The following ARHGAP32 variants were observed in gnomAD, a reference collection of about 807,000 sequenced individuals.
ARHGAP32 encodes the protein Rho GTPase activating protein 32, also known as rho GTPase-activating protein 32.
ARHGAP32 carries 51 observed loss-of-function variants against 186.5 expected under a neutral mutation model. The ratio of observed to expected loss-of-function variants is 0.27; its 90% CI spans 0.22 to 0.35. The LOEUF is 0.35. ARHGAP32 is among the 10% of genes least tolerant of loss of function. The pLI, the probability that ARHGAP32 is intolerant of heterozygous loss-of-function variation, is 1.00. For synonymous variants in ARHGAP32, 950 were observed against 964.3 expected, an observed-to-expected ratio of 0.99 and a Z score of 0.27; for missense variants, 2,186 against 2,623.5, an observed-to-expected ratio of 0.83 and a Z score of 3.64.
chr11:129,052,650 T>G (rs1309814556), intron 10 of ARHGAP32, among the ~76,000 whole-genome samples: 13 of 152,100 alleles, frequency 8.5e-5, no homozygotes, highest in Non-Finnish European at 1.5e-4. Context: ...CTATTTTTAG[T>G]ACTATTATAC....
intron 1 of ARHGAP32, among the ~76,000 whole-genome samples, chr11:129,204,727 T>C (rs766556365): frequency 2.6e-5 from 4 of 152,226 alleles, no homozygotes; most frequent in Admixed American, 6.5e-5. Context: ...CTTAAAGTAC[T>C]AGAGACCATT....
At chr11:129,236,275 G>A (rs1315858585) in intron 1 of ARHGAP32, among the ~76,000 whole-genome samples, 1 of 152,072 alleles carries the variant, frequency 6.6e-6, no homozygotes, top group Non-Finnish European at 1.5e-5. Flanking sequence ...GCAGGAGTGA[G>A]GTAGTATTGC....
rs549772596 is a variant in ARHGAP32, at chr11:129,012,886, T to C, written c.1046-14418A>G. Reference sequence around the variant, plus strand: ...GGAATTATATACTGACCAATAAACATACATCTTCACAATTCAGTGGTAAGT... The same window carrying C: ...GGAATTATATACTGACCAATAAACACACATCTTCACAATTCAGTGGTAAGT... On this transcript the variant is annotated intron_variant, in intron 11 of 22. Transcript: ENST00000682385. Among the ~76,000 whole-genome samples the C allele has an allele frequency of 3.3e-5, 5 of 152,310 alleles. No homozygotes were observed. In the South Asian group the frequency reaches 1.0e-3, roughly 32 times the overall value.
chr11:128,985,844 G>GTATATATATA (rs1331337420), intron 15 of ARHGAP32, 159 bp downstream of exon 15: 1 of 123,128 alleles, frequency 8.1e-6, no homozygotes, highest in African/African-American at 4.4e-5. Flanking sequence ...GTGTGTGTGT[G>GTATATATATA]TGTGTGTGTG....
chr11:129,276,238 C>G (rs1945527994), intron 1 of ARHGAP32, among the ~76,000 whole-genome samples: 3 of 152,196 alleles, frequency 2.0e-5, no homozygotes, highest in South Asian at 2.1e-4. Context: ...CTAAATAAGA[C>G]AGAGCACAGA....
Position 129,164,313 on chromosome 11 carries a change from AT to A in ARHGAP32, c.225+5del. On this transcript the variant is annotated splice_donor_5th_base_variant and intron_variant, in intron 2 of 22. Coordinates refer to ENST00000682385, the MANE Select transcript of ARHGAP32 (RefSeq NM_001378024.1). ...ATATATGAACAATTGTATAAAACTG[AT>A]TTACCATTGCGCTAAGAGTTTCTTC... 1 of 1,490,362 alleles carries A rather than the reference AT, an allele frequency of 6.7e-7. No homozygotes were observed. The highest frequency in any genetic ancestry group is 9.2e-7 in the Non-Finnish European group (1 of 1,092,668). The allele number at this position is 1,490,362 out of a possible 1,614,324, so 92.3% of individuals were successfully genotyped here.
At position 128,974,549 on chromosome 11, in the gene ARHGAP32, T is replaced by A; in HGVS notation, c.2648A>T (p.Asp883Val). Reference protein sequence around the residue: ...QEKLSPFFTLDLSPTEDKSSK... With the variant: ...QEKLSPFFTLVLSPTEDKSSK... ...TGATTTATCTTCAGTTGGGCTCAAGTCCAGGGTAAAGAATGGACTCAGTTT... is the reference window on the plus strand; with the variant it reads ...TGATTTATCTTCAGTTGGGCTCAAGACCAGGGTAAAGAATGGACTCAGTTT... The change falls in exon 21 of 23, where the codon GAC becomes GTC. Residue 883 changes from aspartate (D) to valine (V), a missense_variant. Physicochemically the swap from Asp to Val is radical, Grantham distance 152. Around this residue, in one of 5 missense-constraint regions of ARHGAP32, gnomAD observed 1,502 missense variants for 1,570.0 expected, o/e 0.96. Transcript: ENST00000682385. 2 of 1,614,182 alleles carry A rather than the reference T, an allele frequency of 1.2e-6. No individual in the cohort carries two copies. The highest frequency in any genetic ancestry group is 1.7e-6 in the Non-Finnish European group (2 of 1,180,032).
chr11:129,106,840 T>A (rs1433142967), intron 5 of ARHGAP32, among the ~76,000 whole-genome samples: 1 of 152,178 alleles, frequency 6.6e-6, no homozygotes, highest in Non-Finnish European at 1.5e-5. Context: ...TTAAAAAACC[T>A]ATGAGACCCA....
In ARHGAP32 at chr11:129,170,104, T is replaced by C. The variant is rs1322534447; in HGVS notation, c.117-5677A>G. Among the ~76,000 whole-genome samples the C allele has an allele frequency of 5.9e-5, 9 of 151,804 alleles. No individual in the cohort carries two copies. In the East Asian group the frequency reaches 1.7e-3, roughly 29 times the overall value. ...GGATAGTGACCGAATGAGTTTTAGTTCAAAATGCAAATTGATTAAACGTTC... is the reference window on the plus strand; with the variant it reads ...GGATAGTGACCGAATGAGTTTTAGTCCAAAATGCAAATTGATTAAACGTTC... On this transcript the variant is annotated intron_variant, in intron 1 of 22. Transcript: ENST00000682385.
chr11:129,093,033 C>T (rs186727968), intron 6 of ARHGAP32, among the ~76,000 whole-genome samples: 1 of 152,028 alleles, frequency 6.6e-6, no homozygotes, highest in East Asian at 1.9e-4. Context: ...TGGTCATTAC[C>T]TTCAAAACAG....
At chr11:129,189,030 T>A (rs1055536040) in intron 1 of ARHGAP32, among the ~76,000 whole-genome samples, 4 of 152,294 alleles carry the variant, frequency 2.6e-5, no homozygotes, top group African/African-American at 7.2e-5. Flanking sequence ...TCACATTTTT[T>A]AAAAGTCACA....
chr11:129,131,208 G>A lies in ARHGAP32; in HGVS notation c.226-6314C>T, dbSNP rs117175251. Among the ~76,000 whole-genome samples, 616 of 152,062 alleles carry A rather than the reference G, an allele frequency of 4.1e-3. 1 individual carries two copies. The highest frequency in any genetic ancestry group is 6.5e-3 in the Non-Finnish European group (439 of 67,994). ...CTTACCAAGAACTGTTTTATATCTC[G>A]GTGTGGGTGGTGGTTTCACAGAAGT... On this transcript the variant is annotated intron_variant, in intron 2 of 22. Coordinates refer to ENST00000682385, the MANE Select transcript of ARHGAP32 (RefSeq NM_001378024.1).
At chr11:128,998,032 A>C (rs915869452) in intron 12 of ARHGAP32, among the ~76,000 whole-genome samples, 4 of 152,210 alleles carry the variant, frequency 2.6e-5, no homozygotes, top group African/African-American at 9.6e-5. Flanking sequence ...GAAGCTATCT[A>C]GGGAGAAATA....
At chr11:129,078,836 G>A (rs996526314) in intron 6 of ARHGAP32, among the ~76,000 whole-genome samples, 7 of 151,940 alleles carry the variant, frequency 4.6e-5, no homozygotes, top group African/African-American at 1.7e-4. Flanking sequence ...CCAGAGAAAG[G>A]TGAAACCAAC....
intron 2 of ARHGAP32, among the ~76,000 whole-genome samples, chr11:129,128,864 C>T (rs1359984875): frequency 2.0e-5 from 3 of 152,194 alleles, no homozygotes; most frequent in East Asian, 1.9e-4. Flanking sequence ...GGATTGCAGA[C>T]GGAGTCTCGC....
chr11:129,275,231 A>C (rs1354263870), intron 1 of ARHGAP32, among the ~76,000 whole-genome samples: 1 of 152,234 alleles, frequency 6.6e-6, no homozygotes, highest in East Asian at 1.9e-4. Flanking sequence ...TTTTAGGCAT[A>C]CTTTCAGGTT....
intron 1 of ARHGAP32, among the ~76,000 whole-genome samples, chr11:129,269,203 C>T (rs911216813): frequency 6.6e-6 from 1 of 151,988 alleles, no homozygotes; most frequent in African/African-American, 2.4e-5. Flanking sequence ...CCCAGTAAGT[C>T]GAGGCTTCAG....
intron 15 of ARHGAP32, among the ~76,000 whole-genome samples, chr11:128,985,051 C>T (rs1450243736): frequency 2.0e-5 from 3 of 152,060 alleles, no homozygotes; most frequent in Non-Finnish European, 4.4e-5. Context: ...AATGGAGTCT[C>T]GCTTTGTTGT....
chr11:129,165,186 A>C (rs1383355961), intron 1 of ARHGAP32, among the ~76,000 whole-genome samples: 4 of 152,110 alleles, frequency 2.6e-5, no homozygotes, highest in Non-Finnish European at 4.4e-5. Context: ...GAGCCCAGAA[A>C]TCTACAGCAA....
Sources: gnomAD v4.1 joint callset for allele counts (sites outside exome capture counted in the v4.1 genomes callset) on GRCh38, gnomAD v4.1.1 for gene constraint, gnomAD v4.1.1 regional missense constraint, MANE v1.5 for transcripts, NCBI Gene and HGNC (gene_info 2026-07-23, HGNC 2026-07-21) for gene names.